Variants in SHROOM3 observed in about 807,000 individuals in gnomAD.
SHROOM3 encodes shroom family member 3.
SHROOM3 carries 47 observed loss-of-function variants against 138.6 expected under a neutral mutation model. The ratio of observed to expected loss-of-function variants is 0.34; its 90% CI spans 0.27 to 0.43. SHROOM3 has a LOEUF of 0.43. Among genes scored for constraint, SHROOM3 ranks in the 20% least tolerant of loss-of-function variants. SHROOM3 has a pLI of 1.00. For missense variants in SHROOM3, 2,491 were observed against 2,596.5 expected (o/e 0.96, Z 0.88); for synonymous variants, 1,062 against 1,063.3 (o/e 1.00, Z 0.02).
At chr4:76,596,579 G>GAAAC (rs1553926770) in intron 2 of SHROOM3, among the ~76,000 whole-genome samples, 1 of 90,896 alleles carries the variant, frequency 1.1e-5, no homozygotes, top group Non-Finnish European at 2.2e-5. Flanking sequence ...TAGGTACAGA[G>GAAAC]AAACACACAC....
chr4:76,625,071 C>A (rs577710897), intron 2 of SHROOM3, among the ~76,000 whole-genome samples: 52 of 152,292 alleles, frequency 3.4e-4, no homozygotes, highest in African/African-American at 1.2e-3. Context: ...TAATGCCAGA[C>A]TCCTAGTTTA....
chr4:76,745,572 A>G (rs10002991), intron 5 of SHROOM3, among the ~76,000 whole-genome samples: 73,375 of 152,134 alleles, frequency 0.48, 18,289 homozygotes, highest in African/African-American at 0.59. Flanking sequence ...CTACAAGCAC[A>G]CATTTAAGCT....
chr4:76,589,151 A>G (rs1734210568), intron 2 of SHROOM3, among the ~76,000 whole-genome samples: 1 of 152,244 alleles, frequency 6.6e-6, no homozygotes, highest in Non-Finnish European at 1.5e-5. Flanking sequence ...AACTGATAGA[A>G]TGAGTGATGT....
At chr4:76,484,084 T>C (rs1309817849) in intron 1 of SHROOM3, among the ~76,000 whole-genome samples, 1 of 152,118 alleles carries the variant, frequency 6.6e-6, no homozygotes, top group Non-Finnish European at 1.5e-5. Flanking sequence ...ATGGAACATG[T>C]ACATCTATAT....
chr4:76,485,191 C>G (rs1395241113), intron 1 of SHROOM3, among the ~76,000 whole-genome samples: 1 of 152,260 alleles, frequency 6.6e-6, no homozygotes, highest in African/African-American at 2.4e-5. Flanking sequence ...TTTCCTGTCT[C>G]TCATTGATAC....
chr4:76,663,439 A>G (rs192108158), intron 2 of SHROOM3, among the ~76,000 whole-genome samples: 8 of 152,254 alleles, frequency 5.3e-5, no homozygotes, highest in African/African-American at 1.9e-4. Flanking sequence ...TTGGTTGTGA[A>G]GCTACACAAC....
At chr4:76,759,764 G>C in intron 9 of SHROOM3, 69 bp downstream of exon 9, 1 of 1,556,200 alleles carries the variant, frequency 6.4e-7, no homozygotes, top group Non-Finnish European at 8.7e-7. Context: ...TGTAATCAGC[G>C]TGGTGACTGG....
At chr4:76,590,767 G>A (rs1333498371) in intron 2 of SHROOM3, among the ~76,000 whole-genome samples, 1 of 151,984 alleles carries the variant, frequency 6.6e-6, no homozygotes, top group East Asian at 1.9e-4. Flanking sequence ...AGTTTCCAAG[G>A]CTGTGGAGAA....
intron 3 of SHROOM3, among the ~76,000 whole-genome samples, chr4:76,710,732 A>T (rs1223423968): frequency 6.6e-6 from 1 of 152,238 alleles, no homozygotes; most frequent in Non-Finnish European, 1.5e-5. Context: ...CCAAGATTCC[A>T]ACGTAAGCCT....
intron 5 of SHROOM3, among the ~76,000 whole-genome samples, 171 bp from the exon 6 acceptor site, chr4:76,748,846 G>A (rs890627001): frequency 6.1e-5 from 8 of 131,624 alleles, no homozygotes; most frequent in African/African-American, 1.6e-4. Context: ...TTAAATCTTC[G>A]GCTTATCTCC....
intron 3 of SHROOM3, among the ~76,000 whole-genome samples, chr4:76,719,301 A>C (rs992628326): frequency 1.3e-5 from 2 of 152,254 alleles, no homozygotes; most frequent in Non-Finnish European, 2.9e-5. Context: ...ACAGAAAAAC[A>C]GTATGGAAGA....
At chr4:76,501,852 A>G (rs1264278725) in intron 1 of SHROOM3, among the ~76,000 whole-genome samples, 2 of 152,106 alleles carry the variant, frequency 1.3e-5, no homozygotes, top group Admixed American at 6.5e-5. Context: ...ACCTCGCCCT[A>G]TGTATCTTTT....
chr4:76,722,706 A>G (rs914696093), intron 3 of SHROOM3, among the ~76,000 whole-genome samples: 1 of 152,170 alleles, frequency 6.6e-6, no homozygotes, highest in Non-Finnish European at 1.5e-5. Flanking sequence ...ACAGTGTTCA[A>G]TAAGAATATG....
intron 2 of SHROOM3, chr4:76,638,997 C>G (rs541825529): frequency 6.6e-6 from 1 of 152,298 alleles, no homozygotes; most frequent in African/African-American, 2.4e-5. Context: ...ACCAAGAACT[C>G]CTACGGACCA....
chr4:76,468,822 G>A (rs1731302790), intron 1 of SHROOM3, among the ~76,000 whole-genome samples: 1 of 151,964 alleles, frequency 6.6e-6, no homozygotes, highest in South Asian at 2.1e-4. Flanking sequence ...CAGAGGTCAG[G>A]AGTTTGATAC....
chr4:76,449,209 G>T (rs184521014), intron 1 of SHROOM3, among the ~76,000 whole-genome samples: 180 of 152,076 alleles, frequency 1.2e-3, no homozygotes, highest in African/African-American at 4.3e-3. Flanking sequence ...TGACCCCCTT[G>T]AACAGAATAG....
intron 2 of SHROOM3, among the ~76,000 whole-genome samples, chr4:76,663,132 A>T (rs555100252): frequency 5.3e-5 from 8 of 152,308 alleles, no homozygotes; most frequent in Non-Finnish European, 1.2e-4. Context: ...AATCTAGAAA[A>T]CATTTATTGA....
chr4:76,731,974 GGAA>G (rs1458141897), intron 4 of SHROOM3, among the ~76,000 whole-genome samples: 2 of 152,098 alleles, frequency 1.3e-5, no homozygotes, highest in South Asian at 2.1e-4. Context: ...GGTTTGGTCA[GGAA>G]GAAGGAGAGC....
intron 2 of SHROOM3, among the ~76,000 whole-genome samples, chr4:76,657,786 G>A (rs190690795): frequency 2.0e-4 from 30 of 152,264 alleles, no homozygotes; most frequent in African/African-American, 6.3e-4. Flanking sequence ...AACTGTCTCC[G>A]GGCCCAAGTA....
Sources: gnomAD v4.1 joint callset for allele counts (sites outside exome capture counted in the v4.1 genomes callset) on GRCh38, gnomAD v4.1.1 for gene constraint, MANE v1.5 for transcripts, NCBI Gene and HGNC (gene_info 2026-07-23, HGNC 2026-07-21) for gene names.